FAM178B: variants seen among roughly 807,000 people sequenced by gnomAD.
The protein encoded by FAM178B is family with sequence similarity 178 member B.
In FAM178B, 82 loss-of-function variants were observed where a neutral mutation model predicts 91.7. The ratio of observed to expected loss-of-function variants is 0.89; its 90% CI spans 0.75 to 1.07. The LOEUF (loss-of-function observed/expected upper bound fraction) is 1.07, where lower values mean the gene tolerates loss of function less well. Ranked by LOEUF, FAM178B falls within the 50% of genes least tolerant of loss-of-function variation. The pLI is 0.00. For missense variants in FAM178B, 769 were observed against 846.7 expected, an observed-to-expected ratio of 0.91 and a Z score of 1.14; for synonymous variants, 368 against 359.4, an observed-to-expected ratio of 1.02 and a Z score of -0.27.
chr2:96,876,330 G>T, intron 16 of FAM178B, 22 bp from the exon 17 acceptor site: 1 of 1,589,850 alleles, frequency 6.3e-7, no homozygotes, highest in Non-Finnish European at 8.5e-7. Flanking sequence ...AGAAAAGCAG[G>T]CTGTGAGGGC....
In FAM178B at chr2:96,919,190, G is replaced by C. The variant is rs2081292064; in HGVS notation, c.1562+1975C>G. Among the ~76,000 whole-genome samples the C allele has an allele frequency of 2.0e-5, 3 of 152,214 alleles. No individual in the cohort carries two copies. The South Asian group carries it at 6.2e-4, about 32-fold the overall frequency. On this transcript the variant is annotated intron_variant, in intron 12 of 16. Coordinates refer to ENST00000490605, the MANE Select transcript of FAM178B (RefSeq NM_001122646.3). ...CACTAGGGAAATACTATGCAGCTGT[G>C]AAAAGAGTGAGGTTTATTGTGTGTA...
At position 96,933,120 on chromosome 2, in the gene FAM178B, G is replaced by A. The variant is rs1447221054; in HGVS notation, c.1079-3800C>T. Among the ~76,000 whole-genome samples the A allele has an allele frequency of 2.0e-5, 3 of 151,928 alleles. No homozygotes were observed. In the East Asian group the frequency reaches 5.8e-4, roughly 29 times the overall value. ...TAGCCGGGCGTGGTAGTGCACGCCT[G>A]TAATCCCAGCTACTTGGGAGGCTGA... On this transcript the variant is annotated intron_variant, in intron 8 of 16. Transcript: ENST00000490605.
At chr2:96,882,765 T>TG (rs2080418859) in intron 14 of FAM178B, among the ~76,000 whole-genome samples, 1 of 152,188 alleles carries the variant, frequency 6.6e-6, no homozygotes, top group South Asian at 2.1e-4. Context: ...CCTTGGGTGC[T>TG]GGGGGGCTAC....
intron 12 of FAM178B, among the ~76,000 whole-genome samples, chr2:96,905,934 C>A (rs571503272): frequency 7.8e-6 from 1 of 128,118 alleles, no homozygotes; most frequent in Admixed American, 9.7e-5. Flanking sequence ...TGCAATGGTG[C>A]GATATCGGCT....
At chr2:96,893,621 G>A (rs2080735254) in intron 14 of FAM178B, among the ~76,000 whole-genome samples, 1 of 151,966 alleles carries the variant, frequency 6.6e-6, no homozygotes, top group Non-Finnish European at 1.5e-5. Context: ...CCTAAACCAT[G>A]CTGTAAGGCT....
At chr2:96,946,529 C>T (rs1292432515) in intron 8 of FAM178B, among the ~76,000 whole-genome samples, 1 of 152,226 alleles carries the variant, frequency 6.6e-6, no homozygotes, top group Non-Finnish European at 1.5e-5. Context: ...AGGCTGGGCT[C>T]TCAGGTAGTG....
At chr2:96,960,233 G>A (rs548999052) in intron 6 of FAM178B, 55 bp downstream of exon 6, 2 of 1,536,254 alleles carry the variant, frequency 1.3e-6, no homozygotes, top group Admixed American at 2.0e-5. Flanking sequence ...GACTCCAGGA[G>A]GGAGGGGTCC....
intron 12 of FAM178B, among the ~76,000 whole-genome samples, chr2:96,913,897 C>T (rs1345981228): frequency 6.6e-6 from 1 of 152,206 alleles, no homozygotes; most frequent in African/African-American, 2.4e-5. Context: ...GAGTGCCTGA[C>T]TCCCGGCTTC....
chr2:96,972,435 C>A, intron 2 of FAM178B, 103 bp downstream of exon 2: 1 of 1,490,982 alleles, frequency 6.7e-7, no homozygotes, highest in Non-Finnish European at 9.1e-7. Flanking sequence ...CTTGGGGTTG[C>A]TGTGGGAAGG....
chr2:96,947,200 A>AG (rs1280632465), intron 8 of FAM178B, among the ~76,000 whole-genome samples: 9 of 152,108 alleles, frequency 5.9e-5, no homozygotes, highest in Admixed American at 5.2e-4. Flanking sequence ...TGCAGCCACT[A>AG]GGGGGGGAAA....
rs538955601 is a variant in FAM178B at position 96,888,746 on chromosome 2, C to T, written c.1776+5180G>A. ...ATATACAGGAGATGTGCACAGCACG[C>T]ACTTATGCACAAACACACAGCAGAG... On this transcript the variant is annotated intron_variant, in intron 14 of 16. Coordinates refer to ENST00000490605, the MANE Select transcript of FAM178B (RefSeq NM_001122646.3). Among the ~76,000 whole-genome samples the T allele has an allele frequency of 1.4e-4, 21 of 152,370 alleles. No individual in the cohort carries two copies. In the Middle Eastern group the frequency reaches 0.01, roughly 74 times the overall value.
intron 1 of FAM178B, among the ~76,000 whole-genome samples, chr2:96,981,799 G>A (rs1196570395): frequency 6.6e-6 from 1 of 151,388 alleles, no homozygotes; most frequent in African/African-American, 2.4e-5. Context: ...GGGCACAGGG[G>A]CTCACACCTG....
intron 14 of FAM178B, among the ~76,000 whole-genome samples, chr2:96,890,289 T>C (rs1291159922): frequency 6.6e-6 from 1 of 151,220 alleles, no homozygotes; most frequent in African/African-American, 2.4e-5. Flanking sequence ...AATCAATCAA[T>C]CAATCAAGCA....
intron 14 of FAM178B, among the ~76,000 whole-genome samples, chr2:96,879,845 C>T (rs888481577): frequency 5.3e-5 from 8 of 152,228 alleles, no homozygotes; most frequent in Non-Finnish European, 1.0e-4. Flanking sequence ...GGCCTGTGGA[C>T]GCCCGAGTTG....
At chr2:96,970,798 A>C (rs1302833659) in intron 3 of FAM178B, 21 bp from the exon 4 acceptor site, 1 of 1,525,892 alleles carries the variant, frequency 6.6e-7, no homozygotes, top group Non-Finnish European at 8.9e-7. Flanking sequence ...AGGACATGGG[A>C]ATGAGGACGA....
chr2:96,913,451 G>C (rs935291850), intron 12 of FAM178B, among the ~76,000 whole-genome samples: 1 of 152,154 alleles, frequency 6.6e-6, no homozygotes, highest in Non-Finnish European at 1.5e-5. Context: ...ACCCAGGGCC[G>C]GGCAGTGGTA....
chr2:96,970,763 G>GC lies in FAM178B; in HGVS notation c.578dup (p.Ser194LeufsTer41), dbSNP rs748296623. On this transcript the variant is annotated frameshift_variant, in exon 4 of 17. Transcript: ENST00000490605. LOFTEE classifies it high-confidence loss of function. ...CCAGGTTGTTGAAGTAGCTTCCTGAGCCCCCCCAGGAAAACTGGAGAAACA... is the reference window on the plus strand; with the variant it reads ...CCAGGTTGTTGAAGTAGCTTCCTGAGCCCCCCCCAGGAAAACTGGAGAAACA... 1.7e-4 allele frequency: 269 copies of GC among 1,550,760 alleles called. No individual in the cohort carries two copies. The highest frequency in any genetic ancestry group is 4.6e-4 in the East Asian group (19 of 40,908).
chr2:96,917,520 T>C (rs939212898), intron 12 of FAM178B, among the ~76,000 whole-genome samples: 2 of 152,156 alleles, frequency 1.3e-5, no homozygotes. Context: ...ACTTAGGATA[T>C]GGAGAAGGTA....
At chr2:96,899,346 T>A (rs148626358) in intron 13 of FAM178B, among the ~76,000 whole-genome samples, 1 of 152,208 alleles carries the variant, frequency 6.6e-6, no homozygotes, top group Non-Finnish European at 1.5e-5. Flanking sequence ...TCTGAGGTCA[T>A]CTGGTGCTGT....
Sources: gnomAD v4.1 joint callset for allele counts (sites outside exome capture counted in the v4.1 genomes callset) on GRCh38, gnomAD v4.1.1 for gene constraint, MANE v1.5 for transcripts, NCBI Gene and HGNC (gene_info 2026-07-23, HGNC 2026-07-21) for gene names.